TAGLN3: variants seen among roughly 807,000 people sequenced by gnomAD.
TAGLN3 encodes transgelin 3.
TAGLN3 carries 12 observed loss-of-function variants against 25.4 expected under a neutral mutation model. That is an observed-to-expected ratio of 0.47 (90% CI 0.30 to 0.77). The LOEUF (loss-of-function observed/expected upper bound fraction) is 0.77, where lower values mean the gene tolerates loss of function less well. Ranked by LOEUF, TAGLN3 falls within the 30% of genes least tolerant of loss-of-function variation. TAGLN3 has a pLI of 0.06. For missense variants in TAGLN3, 218 were observed against 255.8 expected, an observed-to-expected ratio of 0.85 and a Z score of 1.01; for synonymous variants, 96 against 94.8, an observed-to-expected ratio of 1.01 and a Z score of -0.08.
chr3:112,001,289 G>A (rs2072856948), intron 3 of TAGLN3, among the ~76,000 whole-genome samples: 1 of 152,138 alleles, frequency 6.6e-6, no homozygotes, highest in Non-Finnish European at 1.5e-5. Flanking sequence ...GGAGGCAGGG[G>A]GCCAGTGTGC....
At chr3:112,006,402 T>A (rs1407666252) in intron 3 of TAGLN3, among the ~76,000 whole-genome samples, 10 of 152,150 alleles carry the variant, frequency 6.6e-5, no homozygotes, top group Non-Finnish European at 1.5e-4. Flanking sequence ...AAACCCAACC[T>A]CACCCCTGAT....
At chr3:112,005,840 A>T (rs149182034) in intron 3 of TAGLN3, among the ~76,000 whole-genome samples, 4,992 of 150,884 alleles carry the variant, frequency 0.033, 155 homozygotes, top group South Asian at 0.12. Flanking sequence ...GCTGGGACTT[A>T]CAGGTACCTG....
intron 3 of TAGLN3, among the ~76,000 whole-genome samples, chr3:112,010,174 C>G (rs1341422020): frequency 6.6e-6 from 1 of 151,948 alleles, no homozygotes; most frequent in African/African-American, 2.4e-5. Context: ...TTTAATAAAA[C>G]TTTGCTTCTT....
intron 4 of TAGLN3, among the ~76,000 whole-genome samples, chr3:112,012,491 A>T (rs1016985785): frequency 6.6e-6 from 1 of 150,626 alleles, no homozygotes. Flanking sequence ...TTTTAAAATG[A>T]TTTTTTTTTC....
chr3:112,009,769 T>A (rs2072955675), intron 3 of TAGLN3, among the ~76,000 whole-genome samples: 1 of 152,036 alleles, frequency 6.6e-6, no homozygotes, highest in African/African-American at 2.4e-5. Flanking sequence ...AAGGAAAAAA[T>A]TCCAATTTCT....
chr3:112,001,046 T>C (rs1475873761), intron 3 of TAGLN3, 100 bp downstream of exon 3: 2 of 1,071,116 alleles, frequency 1.9e-6, no homozygotes, highest in South Asian at 1.4e-5. Context: ...TGCCGATTGA[T>C]GTGTGTAAGA....
intron 3 of TAGLN3, among the ~76,000 whole-genome samples, chr3:112,004,660 C>T (rs567160892): frequency 1.4e-4 from 22 of 152,178 alleles, no homozygotes; most frequent in African/African-American, 5.1e-4. Flanking sequence ...CAAGATAGTT[C>T]ATTAGAAGTG....
At chr3:112,005,357 C>G (rs980671962) in intron 3 of TAGLN3, among the ~76,000 whole-genome samples, 1 of 152,126 alleles carries the variant, frequency 6.6e-6, no homozygotes, top group Non-Finnish European at 1.5e-5. Flanking sequence ...GTGCATTAAA[C>G]GTATAAAATT....
In TAGLN3 at chr3:111,999,465, CAGG is replaced by C; in HGVS notation, c.46_48del (p.Glu16del). ...GAGCTATGGCTTAAGCCGAGAGGTG[CAGG>C]AGAAGATCGAGCAGAAGTATGATGC... is the stretch of plus-strand genomic sequence containing the variant. On this transcript the variant is annotated inframe_deletion, in exon 2 of 5. Coordinates refer to ENST00000478951, the MANE Select transcript of TAGLN3 (RefSeq NM_001008272.2). 5.0e-6 allele frequency: 8 copies of C among 1,614,202 alleles called. No homozygotes were observed. Among genetic ancestry groups the C allele is most frequent in the Non-Finnish European group, 6.8e-6 (8 of 1,180,036 alleles).
chr3:112,005,483 T>C (rs367724367), intron 3 of TAGLN3, among the ~76,000 whole-genome samples: 1 of 152,160 alleles, frequency 6.6e-6, no homozygotes, highest in South Asian at 2.1e-4. Flanking sequence ...CCCCCTTTGA[T>C]GACTGGGAGT....
intron 3 of TAGLN3, among the ~76,000 whole-genome samples, chr3:112,006,760 T>A (rs2072921174): frequency 6.6e-6 from 1 of 152,200 alleles, no homozygotes; most frequent in Admixed American, 6.5e-5. Context: ...TTCATTTACT[T>A]TTTATTTTCA....
At chr3:112,002,063 A>G (rs1429559688) in intron 3 of TAGLN3, among the ~76,000 whole-genome samples, 1 of 152,234 alleles carries the variant, frequency 6.6e-6, no homozygotes, top group East Asian at 1.9e-4. Flanking sequence ...GTTTGCCATT[A>G]TTTAGAAACT....
intron 4 of TAGLN3, 99 bp from the exon 5 acceptor site, chr3:112,013,311 T>C: frequency 6.8e-7 from 1 of 1,465,754 alleles, no homozygotes; most frequent in Non-Finnish European, 9.2e-7. Flanking sequence ...CCTGCTGATC[T>C]ATTTGGGGAC....
intron 3 of TAGLN3, among the ~76,000 whole-genome samples, chr3:112,006,746 C>A (rs2072920957): frequency 6.6e-6 from 1 of 152,184 alleles, no homozygotes; most frequent in Non-Finnish European, 1.5e-5. Flanking sequence ...TTGCCTTTAT[C>A]CTTTTCATTT....
chr3:112,009,654 C>T (rs1053819455), intron 3 of TAGLN3, among the ~76,000 whole-genome samples: 2 of 152,120 alleles, frequency 1.3e-5, no homozygotes, highest in South Asian at 2.1e-4. Flanking sequence ...ATAGTTTTCT[C>T]GTCCACACAT....
chr3:112,010,929 C>G (rs1030105768), intron 3 of TAGLN3, among the ~76,000 whole-genome samples: 1 of 152,166 alleles, frequency 6.6e-6, no homozygotes, highest in Non-Finnish European at 1.5e-5. Context: ...GCAGCTGGGC[C>G]AAAAAACTGC....
Position 112,003,731 on chromosome 3 carries a change from G to A in TAGLN3, c.355+2785G>A, listed in dbSNP as rs548488099. ...TGGCTCCAGCCCTCCTTGCCTAGGAGCTTCTTTTCCTCCTCTGCAAGTATT... is the reference window on the plus strand; with the variant it reads ...TGGCTCCAGCCCTCCTTGCCTAGGAACTTCTTTTCCTCCTCTGCAAGTATT... On this transcript the variant is annotated intron_variant, in intron 3 of 4. Transcript: ENST00000478951. 1.7e-3 allele frequency among the ~76,000 whole-genome samples: 255 copies of A among 152,208 alleles called. 2 individuals carry two copies. The highest frequency in any genetic ancestry group is 3.0e-3 in the Admixed American group (46 of 15,280).
intron 3 of TAGLN3, 60 bp from the exon 4 acceptor site, chr3:112,011,703 C>G (rs563596207): frequency 6.7e-7 from 1 of 1,502,300 alleles, no homozygotes. Flanking sequence ...CCAGCCGTAT[C>G]CTTCCAGCAT....
rs1346294502 is a variant in TAGLN3 at position 111,999,445 on chromosome 3, A to G, written c.23A>G (p.Tyr8Cys). Residue 8 changes from tyrosine (Y) to cysteine (C), a missense_variant, in exon 2 of 5, where the codon TAT (tyrosine) becomes TGT (cysteine). By Grantham distance (194) the Tyr-to-Cys change is radical (BLOSUM62 -2). Transcript: ENST00000478951. ...GAGATGGCTAACAGGGGCCCGAGCT[A>G]TGGCTTAAGCCGAGAGGTGCAGGAG... MANRGPS[Y>C]GLSREVQEKI... 2.5e-6 allele frequency: 4 copies of G among 1,614,006 alleles called. No individual in the cohort carries two copies. Among genetic ancestry groups the G allele is most frequent in the Non-Finnish European group, 3.4e-6 (4 of 1,179,988 alleles).
Sources: allele counts gnomAD v4.1 joint callset (sites outside exome capture counted in the v4.1 genomes callset), GRCh38; gene constraint gnomAD v4.1.1; transcripts MANE v1.5; gene names NCBI Gene and HGNC (gene_info 2026-07-23, HGNC 2026-07-21).